Variants in ADAMTSL3 observed in about 807,000 individuals in gnomAD.
ADAMTSL3 encodes the protein ADAMTS like 3.
In ADAMTSL3, 128 loss-of-function variants were observed where a neutral mutation model predicts 201.7. The ratio of observed to expected loss-of-function variants is 0.63; its 90% CI spans 0.55 to 0.73. The LOEUF (loss-of-function observed/expected upper bound fraction) is 0.73, where lower values mean the gene tolerates loss of function less well. ADAMTSL3 is among the 30% of genes least tolerant of loss of function. The pLI, the probability that ADAMTSL3 is intolerant of heterozygous loss-of-function variation, is 0.00. For synonymous variants in ADAMTSL3, 738 were observed against 748.4 expected (o/e 0.99, Z 0.23); for missense variants, 1,990 against 2,119.6 (o/e 0.94, Z 1.20).
At chr15:83,676,515 A>T (rs1040489881) in intron 2 of ADAMTSL3, among the ~76,000 whole-genome samples, 1 of 152,138 alleles carries the variant, frequency 6.6e-6, no homozygotes, top group South Asian at 2.1e-4. Context: ...CGTCTCTGCT[A>T]AAAATACAAA....
intron 23 of ADAMTSL3, among the ~76,000 whole-genome samples, chr15:83,992,764 C>A (rs1022820098): frequency 7.2e-5 from 11 of 152,180 alleles, no homozygotes; most frequent in Admixed American, 7.2e-4. Context: ...CAGCAAAGAC[C>A]ATTAAACTCA....
At chr15:83,885,343 C>T in intron 10 of ADAMTSL3, 131 bp downstream of exon 10, 1 of 708,426 alleles carries the variant, frequency 1.4e-6, no homozygotes, top group Non-Finnish European at 2.4e-6. Context: ...CCTTACTCAG[C>T]AGCCTGAATG....
intron 19 of ADAMTSL3, among the ~76,000 whole-genome samples, chr15:83,969,705 GT>G (rs2142120314): frequency 6.6e-6 from 1 of 152,308 alleles, no homozygotes; most frequent in African/African-American, 2.4e-5. Context: ...GAATACAATA[GT>G]GGTTTCCCCA....
intron 3 of ADAMTSL3, among the ~76,000 whole-genome samples, chr15:83,763,216 A>G (rs1355841647): frequency 6.6e-6 from 1 of 152,154 alleles, no homozygotes; most frequent in Non-Finnish European, 1.5e-5. Context: ...GCTGACAGTC[A>G]TTTGTCACCA....
At chr15:83,865,801 G>T (rs1260905741) in intron 8 of ADAMTSL3, among the ~76,000 whole-genome samples, 12 of 152,136 alleles carry the variant, frequency 7.9e-5, no homozygotes, top group Admixed American at 2.0e-4. Context: ...CACAGCAAAA[G>T]CAACTACCAT....
At chr15:83,781,337 C>A (rs766589777) in intron 4 of ADAMTSL3, among the ~76,000 whole-genome samples, 1 of 152,064 alleles carries the variant, frequency 6.6e-6, no homozygotes, top group Non-Finnish European at 1.5e-5. Context: ...CTTGACAAAC[C>A]TGACAAAAAA....
At chr15:83,688,374 G>A (rs186949424) in intron 2 of ADAMTSL3, among the ~76,000 whole-genome samples, 8 of 152,254 alleles carry the variant, frequency 5.3e-5, no homozygotes, top group East Asian at 1.9e-4. Flanking sequence ...AAAGAAAGCC[G>A]TTAATAAAAA....
At chr15:84,015,091 G>A (rs891551323) in intron 24 of ADAMTSL3, among the ~76,000 whole-genome samples, 3 of 152,026 alleles carry the variant, frequency 2.0e-5, no homozygotes, top group Non-Finnish European at 2.9e-5. Context: ...GACAATAGGC[G>A]CACACCACCA....
At chr15:83,850,408 A>G (rs1874278883) in intron 7 of ADAMTSL3, among the ~76,000 whole-genome samples, 1 of 151,732 alleles carries the variant, frequency 6.6e-6, no homozygotes, top group Non-Finnish European at 1.5e-5. Flanking sequence ...CTATGTATAT[A>G]CATGTATATA....
chr15:83,901,891 G>C (rs1296983946), intron 15 of ADAMTSL3, among the ~76,000 whole-genome samples: 1 of 152,176 alleles, frequency 6.6e-6, no homozygotes, highest in Non-Finnish European at 1.5e-5. Flanking sequence ...CCTTTGTCTA[G>C]AATGATGGGT....
At chr15:83,845,962 A>G (rs1157974103) in intron 7 of ADAMTSL3, among the ~76,000 whole-genome samples, 2 of 152,158 alleles carry the variant, frequency 1.3e-5, no homozygotes, top group Non-Finnish European at 2.9e-5. Context: ...GGCACCCAGT[A>G]TGTTTCCAGT....
At chr15:84,001,949 T>C (rs1490869868) in intron 23 of ADAMTSL3, among the ~76,000 whole-genome samples, 1 of 152,232 alleles carries the variant, frequency 6.6e-6, no homozygotes, top group Non-Finnish European at 1.5e-5. Flanking sequence ...CTCCCTCACC[T>C]CACCCTTAAT....
chr15:83,996,132 A>T (rs1234778239), intron 23 of ADAMTSL3, among the ~76,000 whole-genome samples: 1 of 152,224 alleles, frequency 6.6e-6, no homozygotes, highest in African/African-American at 2.4e-5. Flanking sequence ...TTTAAAAATC[A>T]TAAAATATAA....
At chr15:83,998,993 A>G (rs1484781573) in intron 23 of ADAMTSL3, among the ~76,000 whole-genome samples, 1 of 152,252 alleles carries the variant, frequency 6.6e-6, no homozygotes, top group Non-Finnish European at 1.5e-5. Flanking sequence ...TCTGTTCTGA[A>G]TGCTGCTTTT....
chr15:83,681,419 A>G lies in ADAMTSL3; in HGVS notation c.70-22970A>G, dbSNP rs115192141. 6.9e-3 allele frequency among the ~76,000 whole-genome samples: 1,058 copies of G among 152,364 alleles called. 11 individuals carry two copies. The highest frequency in any genetic ancestry group is 0.023 in the African/African-American group (973 of 41,588). ...AGGGATGGGGTCGTGCACTTCTATCATGGACCCAGGAGGAGAACTGAAAAT... is the reference window on the plus strand; with the variant it reads ...AGGGATGGGGTCGTGCACTTCTATCGTGGACCCAGGAGGAGAACTGAAAAT... On this transcript the variant is annotated intron_variant, in intron 2 of 29. Coordinates refer to ENST00000286744, the MANE Select transcript of ADAMTSL3 (RefSeq NM_207517.3).
chr15:83,672,053 T>G (rs2061336039), intron 2 of ADAMTSL3, among the ~76,000 whole-genome samples: 1 of 152,200 alleles, frequency 6.6e-6, no homozygotes, highest in South Asian at 2.1e-4. Flanking sequence ...TTGCGACCTA[T>G]ACTCACTCGC....
Position 83,892,766 on chromosome 15 carries a change from T to TCCATGCATGGAC in ADAMTSL3, c.1356_1357insCCCATGCATGGA (p.Gly452_Glu453insProMetHisGly). ...ACGGAGCTTTGTGTGTGTAGAGGAA[T>TCCATGCATGGAC]CCATGCATGGAGAGATATTGCAGGT... On this transcript the variant is annotated inframe_insertion, in exon 13 of 30. Transcript: ENST00000286744. 1 of 1,614,066 alleles carries TCCATGCATGGAC rather than the reference T, an allele frequency of 6.2e-7. No individual in the cohort carries two copies. Among genetic ancestry groups the TCCATGCATGGAC allele is most frequent in the Non-Finnish European group, 8.5e-7 (1 of 1,179,986 alleles).
intron 8 of ADAMTSL3, among the ~76,000 whole-genome samples, chr15:83,868,426 G>A (rs2065019816): frequency 6.6e-6 from 1 of 152,148 alleles, no homozygotes; most frequent in Non-Finnish European, 1.5e-5. Context: ...AAGCAAGTTT[G>A]CCACCAATAA....
At chr15:83,760,599 C>T (rs763152886) in intron 3 of ADAMTSL3, among the ~76,000 whole-genome samples, 1 of 152,040 alleles carries the variant, frequency 6.6e-6, no homozygotes, top group Non-Finnish European at 1.5e-5. Flanking sequence ...AACCTCCCAC[C>T]ATCATTATGG....
Sources: allele counts gnomAD v4.1 joint callset (sites outside exome capture counted in the v4.1 genomes callset), GRCh38; gene constraint gnomAD v4.1.1; transcripts MANE v1.5; gene names NCBI Gene and HGNC (gene_info 2026-07-23, HGNC 2026-07-21).